The following SLC71A2 variants were observed in gnomAD, a reference collection of about 807,000 sequenced individuals.
SLC71A2 encodes the protein hippocampus abundant transcript-like 1.
the SLC71A2 span, among the ~76,000 whole-genome samples, chr9:94,378,976 T>G: frequency 1.3e-5 from 2 of 149,806 alleles, no homozygotes; most frequent in African/African-American, 2.5e-5. Context: ...AAGTTGTGTT[T>G]TGTTGGGAAT....
At chr9:94,391,055 G>C in the SLC71A2 span, among the ~76,000 whole-genome samples, 2 of 151,942 alleles carry the variant, frequency 1.3e-5, no homozygotes, top group Non-Finnish European at 2.9e-5. Flanking sequence ...TGGGAGAAAA[G>C]AGCTTCTGGA....
chr9:94,445,226 T>G, the SLC71A2 span: 1 of 1,476,790 alleles, frequency 6.8e-7, no homozygotes, highest in Admixed American at 2.0e-5. Context: ...AATGTCTTTC[T>G]AAGCCAAGCA....
At chr9:94,389,129 T>C in the SLC71A2 span, among the ~76,000 whole-genome samples, 1 of 151,478 alleles carries the variant, frequency 6.6e-6, no homozygotes, top group Non-Finnish European at 1.5e-5. Flanking sequence ...GACAGGAAGC[T>C]ATTAATAGTT....
the SLC71A2 span, among the ~76,000 whole-genome samples, chr9:94,390,872 C>T: frequency 2.0e-5 from 3 of 152,022 alleles, no homozygotes; most frequent in African/African-American, 7.3e-5. Context: ...TCAAAGGCTG[C>T]CTGTGTAACT....
chr9:94,458,506 A>G, the SLC71A2 span: 1 of 1,587,340 alleles, frequency 6.3e-7, no homozygotes. Flanking sequence ...ACAATTATGT[A>G]TGATTATAGC....
At chr9:94,391,197 CAAAAAAAAAA>C in the SLC71A2 span, among the ~76,000 whole-genome samples, 4 of 59,076 alleles carry the variant, frequency 6.8e-5, no homozygotes, top group Non-Finnish European at 1.4e-4. Context: ...ATGTCTCTAC[CAAAAAAAAAA>C]AAAAAAAAAA....
At chr9:94,426,345 A>G in the SLC71A2 span, among the ~76,000 whole-genome samples, 2 of 152,020 alleles carry the variant, frequency 1.3e-5, no homozygotes, top group Non-Finnish European at 2.9e-5. Context: ...GTGACCTTTT[A>G]GTACCCTTTC....
the SLC71A2 span, among the ~76,000 whole-genome samples, chr9:94,409,581 G>C: frequency 6.6e-6 from 1 of 152,088 alleles, no homozygotes; most frequent in African/African-American, 2.4e-5. Flanking sequence ...TTATTGATTT[G>C]AGATCTTTTA....
At chr9:94,458,609 G>T in the SLC71A2 span, 2 of 761,218 alleles carry the variant, frequency 2.6e-6, no homozygotes, top group Non-Finnish European at 4.3e-6. Flanking sequence ...ATTGCTTCTC[G>T]GGATCAGGGA....
At chr9:94,443,503 A>G in the SLC71A2 span, among the ~76,000 whole-genome samples, 4 of 152,086 alleles carry the variant, frequency 2.6e-5, no homozygotes, top group South Asian at 8.3e-4. Context: ...TTTCAGGGCT[A>G]CGGCAATGAT....
the SLC71A2 span, among the ~76,000 whole-genome samples, chr9:94,457,387 C>T: frequency 8.9e-6 from 1 of 112,082 alleles, no homozygotes; most frequent in Admixed American, 1.0e-4. Context: ...TTTTTAATGC[C>T]TAAGAGCCCT....
the SLC71A2 span, among the ~76,000 whole-genome samples, chr9:94,419,766 G>A: frequency 6.6e-6 from 1 of 152,132 alleles, no homozygotes; most frequent in East Asian, 1.9e-4. Flanking sequence ...TTCTCACCTT[G>A]AAGGTTGTTT....
chr9:94,384,363 G>GTC, the SLC71A2 span, among the ~76,000 whole-genome samples: 2 of 146,916 alleles, frequency 1.4e-5, no homozygotes, highest in African/African-American at 2.5e-5. Context: ...TGGACACATG[G>GTC]TCTCTCTCTC....
At chr9:94,407,673 G>T in the SLC71A2 span, among the ~76,000 whole-genome samples, 1 of 152,076 alleles carries the variant, frequency 6.6e-6, no homozygotes, top group African/African-American at 2.4e-5. Flanking sequence ...CACTGTGCCT[G>T]GCCCTATAGT....
At chr9:94,419,167 A>G in the SLC71A2 span, among the ~76,000 whole-genome samples, 1 of 151,844 alleles carries the variant, frequency 6.6e-6, no homozygotes, top group African/African-American at 2.4e-5. Flanking sequence ...AGGCTGAAAT[A>G]CAGTGGCACA....
chr9:94,411,585 G>A, the SLC71A2 span, among the ~76,000 whole-genome samples: 110 of 148,094 alleles, frequency 7.4e-4, no homozygotes, highest in African/African-American at 2.6e-3. Flanking sequence ...TTCTTCATTC[G>A]TTAGCCGATT....
the SLC71A2 span, chr9:94,446,807 T>C: frequency 1.5e-6 from 2 of 1,372,054 alleles, no homozygotes; most frequent in Non-Finnish European, 2.1e-6. Context: ...AGTGTGTTCT[T>C]TCTGCTTATT....
chr9:94,421,013 A>G, the SLC71A2 span, among the ~76,000 whole-genome samples: 1 of 152,098 alleles, frequency 6.6e-6, no homozygotes, highest in African/African-American at 2.4e-5. Context: ...GGACTAGCTG[A>G]TATCTCAATA....
chr9:94,453,909 A>C, the SLC71A2 span: 4 of 1,232,512 alleles, frequency 3.2e-6, no homozygotes, highest in Non-Finnish European at 4.8e-6. Flanking sequence ...TTGTATTTTA[A>C]TTCTGTGTGT....
Sources: allele counts gnomAD v4.1 joint callset (sites outside exome capture counted in the v4.1 genomes callset), GRCh38; gene constraint gnomAD v4.1.1; transcripts MANE v1.5; gene names NCBI Gene and HGNC (gene_info 2026-07-23, HGNC 2026-07-21).